Variants in OTUB1 observed in about 807,000 individuals in gnomAD.
OTUB1 encodes the protein ubiquitin thioesterase OTUB1.
Under a neutral mutation model 35.8 loss-of-function variants are expected in OTUB1, and 10 were observed. The observed-to-expected ratio is 0.28, with a 90% CI of 0.17 to 0.47. The LOEUF (loss-of-function observed/expected upper bound fraction) is 0.47, where lower values mean the gene tolerates loss of function less well. Ranked by LOEUF, OTUB1 falls within the 20% of genes least tolerant of loss-of-function variation. The pLI is 0.99. For missense variants in OTUB1, 264 were observed against 351.6 expected, an observed-to-expected ratio of 0.75 and a Z score of 1.99; for synonymous variants, 158 against 143.8, an observed-to-expected ratio of 1.10 and a Z score of -0.71.
intron 3 of OTUB1, among the ~76,000 whole-genome samples, chr11:63,995,088 G>A (rs1233438872): frequency 2.6e-5 from 4 of 152,044 alleles, no homozygotes; most frequent in Non-Finnish European, 4.4e-5. Flanking sequence ...ACGCTAGAGT[G>A]TAGTGGTGCC....
Position 63,997,034 on chromosome 11 carries a change from C to T in OTUB1, c.424-16C>T, listed in dbSNP as rs773033852. The stretch of plus-strand genomic sequence containing the variant: ...TCCTCCCCGTCATCTTGCCCTTTCT[C>T]CCTCCGTGGCTGCAGTTCATGGACC... On this transcript the variant is annotated splice_polypyrimidine_tract_variant and intron_variant, in intron 5 of 6. Coordinates refer to ENST00000538426, the MANE Select transcript of OTUB1 (RefSeq NM_017670.3). 2.5e-6 allele frequency: 4 copies of T among 1,612,720 alleles called. No homozygotes were observed. Among genetic ancestry groups the T allele is most frequent in the African/African-American group, 2.7e-5 (2 of 75,028 alleles).
At chr11:63,989,813 C>CAG (rs1942654417) in intron 3 of OTUB1, 1 of 150,642 alleles carries the variant, frequency 6.6e-6, no homozygotes, top group South Asian at 2.1e-4. Flanking sequence ...ATCACGAGGT[C>CAG]AGGAGATCGA....
At chr11:63,986,819 G>C in intron 1 of OTUB1, 2 of 372,530 alleles carry the variant, frequency 5.4e-6, no homozygotes, top group Non-Finnish European at 9.6e-6. Flanking sequence ...GGCTCCAGGG[G>C]CCCCGAGCCC....
intron 1 of OTUB1, among the ~76,000 whole-genome samples, chr11:63,988,039 T>G (rs1263685775): frequency 6.6e-6 from 1 of 151,890 alleles, no homozygotes; most frequent in African/African-American, 2.4e-5. Context: ...CTTTGGGAGG[T>G]TGAGGTGGGC....
intron 3 of OTUB1, chr11:63,990,089 G>A (rs1331673791): frequency 1.3e-5 from 2 of 152,172 alleles, no homozygotes; most frequent in African/African-American, 4.8e-5. Flanking sequence ...AGGAGCTGAT[G>A]ATCTCGGTGC....
In OTUB1 at chr11:63,986,543, C is replaced by T. The variant is rs61653882; in HGVS notation, c.58+29C>T. On this transcript the variant is annotated intron_variant, in intron 1 of 6. Transcript: ENST00000538426. The stretch of plus-strand genomic sequence containing the variant: ...CAGATCCAAGGAGGGATGTCCGGCC[C>T]GGGCTAGTGGGGGCGATGCCGGGCC... 17,709 of 1,527,606 alleles carry T rather than the reference C, an allele frequency of 0.012. 1,726 individuals carry two copies. In the African/African-American group the frequency reaches 0.21, roughly 18 times the overall value. 94.6% of individuals were successfully genotyped at this position (1,527,606 alleles called of 1,614,324 possible).
chr11:63,996,114 G>A (rs1236794527), intron 3 of OTUB1, among the ~76,000 whole-genome samples: 1 of 152,174 alleles, frequency 6.6e-6, no homozygotes, highest in East Asian at 1.9e-4. Flanking sequence ...GGGCTGAGCT[G>A]GGCTGTGCAG....
Position 63,997,152 on chromosome 11 carries a change from C to T in OTUB1, c.526C>T (p.Arg176Trp). ...CTCCGACTACCTTGTGGTCTACCTGCGGCTGCTCACCTCGGGCTACCTGCA... is the reference window on the plus strand; with the variant it reads ...CTCCGACTACCTTGTGGTCTACCTGTGGCTGCTCACCTCGGGCTACCTGCA... ...STSDYLVVYLRLLTSGYLQRE... is the reference protein window; with the variant it reads ...STSDYLVVYLWLLTSGYLQRE... The change falls in exon 6 of 7, where the codon CGG (arginine) becomes TGG (tryptophan). Residue 176 changes from arginine (R) to tryptophan (W), a missense_variant. Physicochemically the swap from Arg to Trp is moderately radical, Grantham distance 101. Coordinates refer to ENST00000538426, the MANE Select transcript of OTUB1 (RefSeq NM_017670.3). 6.2e-7 allele frequency: 1 copy of T among 1,614,188 alleles called. No homozygotes were observed. The highest frequency in any genetic ancestry group is 8.5e-7 in the Non-Finnish European group (1 of 1,180,004).
In OTUB1 at chr11:63,988,547, G is replaced by T. The variant is rs1048460674; in HGVS notation, c.121-107G>T. ...AGGTACTGGTGCTTTTCTGGGGGTC[G>T]CTGTGCCACCGGGTGACCAGCCCAG... is the stretch of plus-strand genomic sequence containing the variant. On this transcript the variant is annotated intron_variant, in intron 2 of 6. Transcript: ENST00000538426. 5 of 1,243,784 alleles carry T rather than the reference G, an allele frequency of 4.0e-6. No individual in the cohort carries two copies. The East Asian group carries it at 1.2e-4, about 29-fold the overall frequency. 77.0% of individuals were successfully genotyped at this position (1,243,784 alleles called of 1,614,324 possible). A position where few individuals can be genotyped will look rare whatever the true frequency, so the allele number is the denominator to read the frequency against.
chr11:63,986,725 G>C, intron 1 of OTUB1: 1 of 540,014 alleles, frequency 1.9e-6, no homozygotes, highest in South Asian at 2.5e-5. Flanking sequence ...GGCGAGGCGG[G>C]CCAAGGCCCG....
chr11:63,991,269 C>T (rs1038632604), intron 3 of OTUB1, among the ~76,000 whole-genome samples: 1 of 152,160 alleles, frequency 6.6e-6, no homozygotes, highest in Non-Finnish European at 1.5e-5. Flanking sequence ...TTGTAAGCAG[C>T]GGGTTACAAA....
At chr11:63,988,547 G>C (rs1048460674) in intron 2 of OTUB1, 107 bp from the exon 3 acceptor site, 1 of 1,243,902 alleles carries the variant, frequency 8.0e-7, no homozygotes, top group African/African-American at 1.5e-5. Flanking sequence ...TCTGGGGGTC[G>C]CTGTGCCACC....
At chr11:63,996,413 T>C in intron 3 of OTUB1, 117 bp from the exon 4 acceptor site, 1 of 1,084,974 alleles carries the variant, frequency 9.2e-7, no homozygotes, top group Non-Finnish European at 1.4e-6. Context: ...GGGTGGCAGG[T>C]GGCTGCTGGG....
chr11:63,988,851 G>A, intron 3 of OTUB1, 99 bp downstream of exon 3: 1 of 762,642 alleles, frequency 1.3e-6, no homozygotes, highest in Non-Finnish European at 2.3e-6. Flanking sequence ...ACCTGAGGGA[G>A]TAGGGTGTTG....
chr11:63,997,487 T>A lies in OTUB1; in HGVS notation c.757T>A (p.Ser253Thr). ...CAATCCGCACATCTTCCCTGAGGGC[T>A]CCGAGCCCAAGGTCTACCTTCTCTA... is the stretch of plus-strand genomic sequence containing the variant. ...TTNPHIFPEGSEPKVYLLYRP... is the reference protein window; with the variant it reads ...TTNPHIFPEGTEPKVYLLYRP... Residue 253 changes from serine (S) to threonine (T), a missense_variant, in exon 7 of 7, where the codon TCC (serine) becomes ACC (threonine). By Grantham distance (58) the Ser-to-Thr change is moderately conservative. Coordinates refer to ENST00000538426, the MANE Select transcript of OTUB1 (RefSeq NM_017670.3). 1 of 1,614,106 alleles carries A rather than the reference T, an allele frequency of 6.2e-7. No individual in the cohort carries two copies. Among genetic ancestry groups the A allele is most frequent in the Non-Finnish European group, 8.5e-7 (1 of 1,180,008 alleles).
intron 1 of OTUB1, chr11:63,986,740 C>T (rs2134303644): frequency 5.8e-6 from 3 of 521,168 alleles, no homozygotes; most frequent in South Asian, 5.4e-5. Context: ...GGCCCGCGGC[C>T]CTTCTCCATC....
chr11:63,987,370 A>G (rs1011422059), intron 1 of OTUB1, among the ~76,000 whole-genome samples: 2 of 152,222 alleles, frequency 1.3e-5, no homozygotes, highest in African/African-American at 4.8e-5. Flanking sequence ...GACTTGTTCA[A>G]GATGACATTA....
At position 63,996,611 on chromosome 11, in the gene OTUB1, T is replaced by A. The variant is rs775884042; in HGVS notation, c.301T>A (p.Leu101Met). The A allele has an allele frequency of 1.2e-6, 2 of 1,614,206 alleles. No homozygotes were observed. Among genetic ancestry groups the A allele is most frequent in the South Asian group, 1.1e-5 (1 of 91,084 alleles). Residue 101 changes from leucine (L) to methionine (M), a missense_variant, in exon 4 of 7, where the codon TTG (leucine) becomes ATG (methionine). Transcript: ENST00000538426. ...CFYRAFGFSH[L>M]EALLDDSKEL... ...CTATCGGGCTTTCGGATTCTCCCAC[T>A]TGGAGGCACTGCTGGATGACAGCAA...
At position 63,988,343 on chromosome 11, in the gene OTUB1, A is replaced by G; in HGVS notation, c.65A>G (p.Asn22Ser). 1 of 1,553,180 alleles carries G rather than the reference A, an allele frequency of 6.4e-7. No individual in the cohort carries two copies. Among genetic ancestry groups the G allele is most frequent in the South Asian group, 1.2e-5 (1 of 84,152 alleles). Reference protein sequence around the residue: ...EPLGSDSEGVNCLAYDEAIMA... With the variant: ...EPLGSDSEGVSCLAYDEAIMA... ...GCTTTTTTCCTTTTCCCAGGTGTTA[A>G]CTGTCTGGCCTATGATGAAGCCATC... Residue 22 changes from asparagine to serine, a missense_variant, in exon 2 of 7, where the codon AAC becomes AGC. This residue lies in a region of OTUB1 where 50 missense variants were observed against 34.5 expected (regional missense o/e 1.45). Coordinates refer to ENST00000538426, the MANE Select transcript of OTUB1 (RefSeq NM_017670.3).
Sources: gnomAD v4.1 joint callset for allele counts (sites outside exome capture counted in the v4.1 genomes callset) on GRCh38, gnomAD v4.1.1 for gene constraint, gnomAD v4.1.1 regional missense constraint, MANE v1.5 for transcripts, NCBI Gene and HGNC (gene_info 2026-07-23, HGNC 2026-07-21) for gene names.